The following SPAG16 variants were observed in gnomAD, a reference collection of about 807,000 sequenced individuals.
The protein encoded by SPAG16 is sperm associated antigen 16.
SPAG16 carries 86 observed loss-of-function variants against 80.4 expected under a neutral mutation model. The observed-to-expected ratio is 1.07, with a 90% CI of 0.90 to 1.28. The LOEUF is 1.28. SPAG16 is among the 50% of genes most tolerant of loss of function. The pLI is 0.00. For missense variants in SPAG16, 870 were observed against 765.3 expected (o/e 1.14, Z -1.61); for synonymous variants, 294 against 265.9 (o/e 1.11, Z -1.03).
intron 9 of SPAG16, among the ~76,000 whole-genome samples, chr2:213,384,621 G>T (rs1476709761): frequency 6.6e-6 from 1 of 152,202 alleles, no homozygotes; most frequent in Non-Finnish European, 1.5e-5. Flanking sequence ...AGGAATCATT[G>T]TATGTACTTG....
In SPAG16 at chr2:214,373,883, C is replaced by G. The variant is rs569806808; in HGVS notation, c.1721-36257C>G. 4.3e-4 allele frequency among the ~76,000 whole-genome samples: 66 copies of G among 152,286 alleles called. No homozygotes were observed. The South Asian group carries it at 0.013, about 29-fold the overall frequency. On this transcript the variant is annotated intron_variant, in intron 15 of 15. Transcript: ENST00000331683. ...GTGAATGATTCCTTCAACTAAAGATCATTTAGCAACAATCTTTGAGCGCAC... is the reference window on the plus strand; with the variant it reads ...GTGAATGATTCCTTCAACTAAAGATGATTTAGCAACAATCTTTGAGCGCAC...
intron 13 of SPAG16, among the ~76,000 whole-genome samples, chr2:214,049,247 A>T (rs562148775): frequency 2.8e-4 from 42 of 152,356 alleles, no homozygotes; most frequent in African/African-American, 9.9e-4. Flanking sequence ...TTAAGAAATT[A>T]AATGGAGCTT....
intron 15 of SPAG16, among the ~76,000 whole-genome samples, chr2:214,362,471 T>C (rs1302795278): frequency 6.6e-6 from 1 of 151,962 alleles, no homozygotes; most frequent in Non-Finnish European, 1.5e-5. Context: ...TCTAGCTATT[T>C]GTTCTAAATG....
At chr2:213,838,670 G>A (rs1394904042) in intron 10 of SPAG16, among the ~76,000 whole-genome samples, 1 of 152,176 alleles carries the variant, frequency 6.6e-6, no homozygotes. Flanking sequence ...GTGATCAGAG[G>A]TTTTATAGAC....
chr2:213,700,193 T>C (rs1448707118), intron 10 of SPAG16, among the ~76,000 whole-genome samples: 1 of 152,008 alleles, frequency 6.6e-6, no homozygotes, highest in African/African-American at 2.4e-5. Context: ...TTTGATGTTA[T>C]AGAGCCTCTA....
chr2:213,304,734 A>G (rs923237019), intron 3 of SPAG16, among the ~76,000 whole-genome samples: 47 of 152,078 alleles, frequency 3.1e-4, no homozygotes, highest in Admixed American at 1.4e-3. Context: ...TGGTCTATGT[A>G]TCTGTTTTTA....
At chr2:213,928,939 ACAC>A (rs2078624022) in intron 11 of SPAG16, among the ~76,000 whole-genome samples, 3 of 142,190 alleles carry the variant, frequency 2.1e-5, no homozygotes, top group Non-Finnish European at 3.1e-5. Context: ...ACACACACAC[ACAC>A]AAAACCAACT....
intron 15 of SPAG16, among the ~76,000 whole-genome samples, chr2:214,378,262 T>C (rs1229884874): frequency 6.6e-6 from 1 of 152,178 alleles, no homozygotes; most frequent in Non-Finnish European, 1.5e-5. Flanking sequence ...GAAACTAATA[T>C]ATCAGGCAAA....
At chr2:213,739,809 CCAGGTTGGTCT>C (rs1249443210) in intron 10 of SPAG16, among the ~76,000 whole-genome samples, 6 of 152,260 alleles carry the variant, frequency 3.9e-5, no homozygotes, top group African/African-American at 1.4e-4. Context: ...ACCATGTTGG[CCAGGTTGGTCT>C]CAAACTCCTG....
intron 13 of SPAG16, among the ~76,000 whole-genome samples, chr2:214,101,722 A>G (rs745901397): frequency 6.6e-6 from 1 of 152,166 alleles, no homozygotes; most frequent in African/African-American, 2.4e-5. Context: ...TGACTCTGCC[A>G]CTTTTTATTT....
chr2:213,404,403 G>A (rs1161083187), intron 9 of SPAG16, among the ~76,000 whole-genome samples: 2 of 152,058 alleles, frequency 1.3e-5, no homozygotes, highest in Non-Finnish European at 1.5e-5. Context: ...AAATAATGCT[G>A]CATATCTACA....
chr2:214,314,246 T>C (rs539310844), intron 15 of SPAG16, among the ~76,000 whole-genome samples: 1 of 152,308 alleles, frequency 6.6e-6, no homozygotes, highest in South Asian at 2.1e-4. Flanking sequence ...ACTTAACATA[T>C]TTTTTCATAA....
chr2:213,771,363 A>T (rs2162501), intron 10 of SPAG16, among the ~76,000 whole-genome samples: 3 of 151,832 alleles, frequency 2.0e-5, no homozygotes, highest in Non-Finnish European at 2.9e-5. Flanking sequence ...ACATTTATCA[A>T]ATGGTTAGAT....
intron 10 of SPAG16, among the ~76,000 whole-genome samples, chr2:213,655,216 G>A (rs1011801020): frequency 2.0e-5 from 3 of 152,158 alleles, no homozygotes; most frequent in East Asian, 3.8e-4. Context: ...GAGGCTGTGC[G>A]TATATAGGAT....
chr2:213,438,156 T>C (rs540152536), intron 9 of SPAG16, among the ~76,000 whole-genome samples: 4 of 152,350 alleles, frequency 2.6e-5, no homozygotes, highest in African/African-American at 9.6e-5. Flanking sequence ...CTTTTATTTT[T>C]AGACAAGTAC....
chr2:213,656,334 C>G (rs1380547669), intron 10 of SPAG16, among the ~76,000 whole-genome samples: 1 of 152,192 alleles, frequency 6.6e-6, no homozygotes, highest in Admixed American at 6.5e-5. Flanking sequence ...CCACGCCCAG[C>G]TAATTTTTTG....
At chr2:213,546,877 A>G (rs1311635155) in intron 10 of SPAG16, among the ~76,000 whole-genome samples, 1 of 152,148 alleles carries the variant, frequency 6.6e-6, no homozygotes, top group East Asian at 1.9e-4. Flanking sequence ...AATTGGAAAT[A>G]TAAACCTGTT....
chr2:213,944,218 C>T (rs2079342772), intron 12 of SPAG16, among the ~76,000 whole-genome samples: 1 of 152,234 alleles, frequency 6.6e-6, no homozygotes, highest in Non-Finnish European at 1.5e-5. Flanking sequence ...GTCATGACCT[C>T]CACTTGGCAG....
chr2:213,509,840 A>G (rs1656909802), intron 10 of SPAG16, among the ~76,000 whole-genome samples: 1 of 152,234 alleles, frequency 6.6e-6, no homozygotes, highest in African/African-American at 2.4e-5. Flanking sequence ...AAGGAAATTG[A>G]GACACAAAAA....
Sources: allele counts gnomAD v4.1 joint callset (sites outside exome capture counted in the v4.1 genomes callset), GRCh38; gene constraint gnomAD v4.1.1; transcripts MANE v1.5; gene names NCBI Gene and HGNC (gene_info 2026-07-23, HGNC 2026-07-21).